ROR2: variants seen among roughly 807,000 people sequenced by gnomAD.
ROR2 encodes the protein ROR family WNT receptor 2.
In ROR2, 33 loss-of-function variants were observed where a neutral mutation model predicts 74.9. The ratio of observed to expected loss-of-function variants is 0.44; its 90% CI spans 0.33 to 0.59. The LOEUF (loss-of-function observed/expected upper bound fraction) is 0.59, where lower values mean the gene tolerates loss of function less well. ROR2 is among the 20% of genes least tolerant of loss of function. ROR2 has a pLI of 0.02. For missense variants in ROR2, 1,216 were observed against 1,313.8 expected (o/e 0.93, Z 1.15); for synonymous variants, 586 against 558.7 (o/e 1.05, Z -0.69).
chr9:91,733,092 C>G lies in ROR2; in HGVS notation c.937+30G>C, dbSNP rs201645473. The G allele has an allele frequency of 2.6e-6, 4 of 1,556,742 alleles. No individual in the cohort carries two copies. The South Asian group carries it at 3.5e-5, about 14-fold the overall frequency. On this transcript the variant is annotated intron_variant, in intron 6 of 8. Coordinates refer to ENST00000375708, the MANE Select transcript of ROR2 (RefSeq NM_004560.4). The surrounding 1 kb of genome is among the most constrained non-coding windows in gnomAD (Gnocchi z 5.7). The stretch of plus-strand genomic sequence containing the variant: ...AGGGCCCTACACTCCCTGCGCCCCC[C>G]GGTCCCGCCCCGGGCCCTCGGGCAC...
In ROR2 at chr9:91,724,567, C is replaced by T. The variant is rs771184180; in HGVS notation, c.1927G>A (p.Ala643Thr). ...DLGLFREVYA[A>T]DYYKLLGNSL... ...TTCCCCAGCAGCTTGTAGTAATCGG[C>T]GGCATACACCTCTCGGAAGAGGCCC... The change falls in exon 9 of 9, where the codon GCC becomes ACC. Residue 643 changes from alanine to threonine, a missense_variant. Transcript: ENST00000375708. The T allele has an allele frequency of 4.3e-5, 70 of 1,614,058 alleles. No individual in the cohort carries two copies. The highest frequency in any genetic ancestry group is 1.3e-4 in the East Asian group (6 of 44,888).
chr9:91,902,317 T>C (rs529238614), intron 1 of ROR2, among the ~76,000 whole-genome samples: 12 of 152,306 alleles, frequency 7.9e-5, no homozygotes, highest in African/African-American at 2.9e-4. Flanking sequence ...CAAAATGAAG[T>C]AAACTTCCCC....
chr9:91,834,567 C>T (rs1828559412), intron 1 of ROR2, among the ~76,000 whole-genome samples: 2 of 152,182 alleles, frequency 1.3e-5, no homozygotes, highest in Admixed American at 1.3e-4. Context: ...AGCAGGGCTG[C>T]TCTGTGACAG....
At chr9:91,839,248 G>A (rs1011426676) in intron 1 of ROR2, among the ~76,000 whole-genome samples, 2 of 94,908 alleles carry the variant, frequency 2.1e-5, no homozygotes, top group African/African-American at 5.8e-5. Flanking sequence ...CTGTCAGATC[G>A]GGGGTGTGTG....
chr9:91,733,266 G>A lies in ROR2; in HGVS notation c.793C>T (p.Arg265Cys), dbSNP rs1305604353. 3 of 1,612,900 alleles carry A rather than the reference G, an allele frequency of 1.9e-6. No homozygotes were observed. Among genetic ancestry groups the A allele is most frequent in the South Asian group, 1.1e-5 (1 of 90,938 alleles). Residue 265 changes from arginine to cysteine, a missense_variant, in exon 6 of 9, where the codon CGC becomes TGC. By Grantham distance (180) the Arg-to-Cys change is radical (BLOSUM62 -3). Coordinates refer to ENST00000375708, the MANE Select transcript of ROR2 (RefSeq NM_004560.4). This position sits in a 1 kb window ranked among gnomAD's most constrained non-coding sequence, Gnocchi z 5.7. ...GAGCGGGCGATGGTGTACTCCTGGC[G>A]GCACAGGTCGCTCTCCAGCACCTCG... The part of the protein sequence containing the change: ...ECEVLESDLC[R>C]QEYTIARSNP...
At chr9:91,829,124 C>G (rs1366750656) in intron 1 of ROR2, among the ~76,000 whole-genome samples, 1 of 152,246 alleles carries the variant, frequency 6.6e-6, no homozygotes, top group Non-Finnish European at 1.5e-5. Context: ...CATCATGGCA[C>G]TGTCCCACCT....
intron 5 of ROR2, among the ~76,000 whole-genome samples, chr9:91,736,725 T>G (rs1825041203): frequency 6.6e-6 from 1 of 152,132 alleles, no homozygotes; most frequent in Non-Finnish European, 1.5e-5. Context: ...TGTGTTCGAG[T>G]TGTATGCTGG....
At chr9:91,785,708 C>A (rs971443051) in intron 1 of ROR2, among the ~76,000 whole-genome samples, 1 of 152,152 alleles carries the variant, frequency 6.6e-6, no homozygotes. Flanking sequence ...CAGTTCAGAG[C>A]CCCTGCGACA....
intron 7 of ROR2, among the ~76,000 whole-genome samples, chr9:91,729,336 G>C (rs1254772184): frequency 6.6e-6 from 1 of 152,190 alleles, no homozygotes; most frequent in East Asian, 1.9e-4. Context: ...CTTCATTGCA[G>C]GACAGCTTTA....
intron 1 of ROR2, among the ~76,000 whole-genome samples, chr9:91,915,084 C>T (rs372047537): frequency 3.3e-5 from 5 of 152,238 alleles, no homozygotes; most frequent in African/African-American, 1.2e-4. Context: ...GGGGCGGCTC[C>T]GTACCTCACC....
chr9:91,736,789 A>T (rs1181351146), intron 5 of ROR2, among the ~76,000 whole-genome samples: 1 of 152,240 alleles, frequency 6.6e-6, no homozygotes, highest in African/African-American at 2.4e-5. Context: ...AAGGATGAGC[A>T]GCTGCAGTTC....
chr9:91,730,169 C>T (rs150441048), intron 7 of ROR2, among the ~76,000 whole-genome samples: 1 of 152,110 alleles, frequency 6.6e-6, no homozygotes, highest in African/African-American at 2.4e-5. Context: ...TTTCAAGCTC[C>T]TGGGTTCAAG....
intron 1 of ROR2, among the ~76,000 whole-genome samples, chr9:91,777,319 G>A (rs900084291): frequency 3.3e-5 from 5 of 151,904 alleles, no homozygotes; most frequent in Non-Finnish European, 5.9e-5. Context: ...CTCCTAACCC[G>A]TAAAAAGAGC....
chr9:91,735,644 G>C (rs76687050), intron 5 of ROR2, among the ~76,000 whole-genome samples: 1 of 39,732 alleles, frequency 2.5e-5, no homozygotes, highest in Non-Finnish European at 4.8e-5. Context: ...TTTTTTTTTT[G>C]AGACAGAGTC....
rs541283275 is a variant in ROR2 at position 91,859,197 on chromosome 9, C to CTTTTT, written c.98-83384_98-83380dup. On this transcript the variant is annotated intron_variant, in intron 1 of 8. Transcript: ENST00000375708. ...CAAGAAGGACCATCTGAAAGTATTC[C>CTTTTT]TTTTTTTTTTTTTTTTTTTTTTGAG... 1.9e-3 allele frequency among the ~76,000 whole-genome samples: 228 copies of CTTTTT among 121,286 alleles called. 5 individuals are homozygous for CTTTTT. The highest frequency in any genetic ancestry group is 5.8e-3 in the African/African-American group (162 of 27,838). The allele number at this position is 121,286 out of a possible 152,430, so 79.6% of individuals were successfully genotyped here. A position where few individuals can be genotyped will look rare whatever the true frequency, so the allele number is the denominator to read the frequency against.
At chr9:91,726,236 TG>T (rs1837024949) in intron 8 of ROR2, among the ~76,000 whole-genome samples, 1 of 152,194 alleles carries the variant, frequency 6.6e-6, no homozygotes, top group African/African-American at 2.4e-5. Context: ...GTGTGTCTTC[TG>T]GGCAGAGCTG....
At chr9:91,801,066 C>A in intron 1 of ROR2, among the ~76,000 whole-genome samples, 1 of 152,216 alleles carries the variant, frequency 6.6e-6, no homozygotes, top group East Asian at 1.9e-4. Flanking sequence ...CAGAATCTCA[C>A]CCCCTCCCAC....
intron 1 of ROR2, among the ~76,000 whole-genome samples, chr9:91,822,170 CA>C (rs1464471535): frequency 6.6e-6 from 1 of 152,048 alleles, no homozygotes; most frequent in Non-Finnish European, 1.5e-5. Flanking sequence ...ACCAGCTATA[CA>C]AAGTCAAGAT....
At chr9:91,783,839 C>A (rs995546145) in intron 1 of ROR2, among the ~76,000 whole-genome samples, 2 of 152,172 alleles carry the variant, frequency 1.3e-5, no homozygotes, top group Non-Finnish European at 2.9e-5. Flanking sequence ...ATCGTGCTCA[C>A]AACCTCCCCA....
Sources: gnomAD v4.1 joint callset for allele counts (sites outside exome capture counted in the v4.1 genomes callset) on GRCh38, gnomAD v4.1.1 for gene constraint, Gnocchi (gnomAD v3.1) non-coding constraint, MANE v1.5 for transcripts, NCBI Gene and HGNC (gene_info 2026-07-23, HGNC 2026-07-21) for gene names.